Variants in LINGO2 observed in about 807,000 individuals in gnomAD.
LINGO2 encodes the protein leucine rich repeat and Ig domain containing 2.
Under a neutral mutation model 30.6 loss-of-function variants are expected in LINGO2, and 14 were observed. That is an observed-to-expected ratio of 0.46 (90% CI 0.30 to 0.72). The LOEUF (loss-of-function observed/expected upper bound fraction) is 0.72. Among genes scored for constraint, LINGO2 ranks in the 30% least tolerant of loss-of-function variants. The pLI is 0.07. For synonymous variants in LINGO2, 317 were observed against 288.5 expected, an observed-to-expected ratio of 1.10 and a Z score of -1.00; for missense variants, 729 against 751.7, an observed-to-expected ratio of 0.97 and a Z score of 0.35.
chr9:28,293,200 C>G (rs1823799846), intron 4 of LINGO2, among the ~76,000 whole-genome samples: 1 of 152,062 alleles, frequency 6.6e-6, no homozygotes, highest in Non-Finnish European at 1.5e-5. Flanking sequence ...TGGGCTCAAG[C>G]AGTCCTCCCA....
intron 2 of LINGO2, among the ~76,000 whole-genome samples, chr9:28,429,228 T>C (rs10968592): frequency 0.073 from 11,146 of 152,238 alleles, 407 homozygotes; most frequent in Middle Eastern, 0.14. Flanking sequence ...GCAGAACACA[T>C]TGCAAAGACA....
intron 4 of LINGO2, among the ~76,000 whole-genome samples, chr9:28,246,714 C>A (rs1193137191): frequency 6.6e-6 from 1 of 152,124 alleles, no homozygotes; most frequent in Non-Finnish European, 1.5e-5. Flanking sequence ...ATGATGACAT[C>A]TCCAGAAGCA....
the LINGO2 span, among the ~76,000 whole-genome samples, chr9:28,737,675 G>A: frequency 2.0e-5 from 3 of 152,024 alleles, no homozygotes; most frequent in East Asian, 1.9e-4. Context: ...CTTTTCTCCT[G>A]AAACAAGCCT....
At chr9:28,085,923 C>T (rs995925307) in intron 4 of LINGO2, among the ~76,000 whole-genome samples, 2 of 152,022 alleles carry the variant, frequency 1.3e-5, no homozygotes, top group Non-Finnish European at 2.9e-5. Flanking sequence ...GACATGAAAT[C>T]TCTAAGATAA....
At chr9:28,351,846 A>G (rs527700346) in intron 3 of LINGO2, among the ~76,000 whole-genome samples, 15 of 150,020 alleles carry the variant, frequency 1.0e-4, no homozygotes, top group African/African-American at 3.2e-4. Flanking sequence ...CTGGTTCAAT[A>G]TATGCAAATC....
intron 1 of LINGO2, among the ~76,000 whole-genome samples, chr9:28,642,773 C>G (rs1827653139): frequency 6.6e-6 from 1 of 152,046 alleles, no homozygotes; most frequent in South Asian, 2.1e-4. Context: ...GCATATATGA[C>G]CTATTATCTT....
At chr9:28,780,152 T>C in the LINGO2 span, among the ~76,000 whole-genome samples, 2 of 152,146 alleles carry the variant, frequency 1.3e-5, no homozygotes, top group South Asian at 2.1e-4. Flanking sequence ...AAGTGTTCAA[T>C]ATAAATTAAA....
At chr9:28,882,980 A>G in the LINGO2 span, among the ~76,000 whole-genome samples, 1 of 152,236 alleles carries the variant, frequency 6.6e-6, no homozygotes, top group African/African-American at 2.4e-5. Context: ...GATCTTTAAA[A>G]TAAACACACA....
chr9:28,715,645 T>C, the LINGO2 span, among the ~76,000 whole-genome samples: 12 of 152,114 alleles, frequency 7.9e-5, no homozygotes, highest in Non-Finnish European at 1.3e-4. Flanking sequence ...GGTTTCCTCA[T>C]TGCATACATT....
the LINGO2 span, among the ~76,000 whole-genome samples, chr9:28,927,880 G>A: frequency 2.6e-5 from 4 of 152,158 alleles, no homozygotes; most frequent in Non-Finnish European, 5.9e-5. Flanking sequence ...AGGCCACATA[G>A]CTCATAAGTG....
intron 2 of LINGO2, among the ~76,000 whole-genome samples, chr9:28,463,596 A>G (rs1343237152): frequency 6.6e-6 from 1 of 152,136 alleles, no homozygotes; most frequent in Non-Finnish European, 1.5e-5. Context: ...CTGAACTGCC[A>G]TAAAGGAAAA....
At chr9:28,759,272 C>T in the LINGO2 span, among the ~76,000 whole-genome samples, 36 of 152,106 alleles carry the variant, frequency 2.4e-4, no homozygotes, top group East Asian at 2.3e-3. Context: ...GTAGATGAGA[C>T]ATTTTGAATA....
chr9:28,271,852 T>G (rs1004853348), intron 4 of LINGO2, among the ~76,000 whole-genome samples: 1 of 152,174 alleles, frequency 6.6e-6, no homozygotes, highest in Non-Finnish European at 1.5e-5. Flanking sequence ...ACCTAGGAAT[T>G]TGTTAGAAAA....
At chr9:28,968,569 T>C in the LINGO2 span, among the ~76,000 whole-genome samples, 1 of 152,176 alleles carries the variant, frequency 6.6e-6, no homozygotes, top group African/African-American at 2.4e-5. Flanking sequence ...CAAAAGCCTA[T>C]GACAGAGCCT....
At chr9:28,883,957 C>T in the LINGO2 span, among the ~76,000 whole-genome samples, 105 of 151,530 alleles carry the variant, frequency 6.9e-4, no homozygotes, top group Admixed American at 2.9e-3. Context: ...GGATTACAGG[C>T]GTGAGCCACC....
At chr9:28,334,173 A>G (rs1564129745) in intron 3 of LINGO2, among the ~76,000 whole-genome samples, 1 of 152,150 alleles carries the variant, frequency 6.6e-6, no homozygotes, top group Non-Finnish European at 1.5e-5. Flanking sequence ...ACCTACTGTA[A>G]GAAATTTAAT....
At chr9:28,825,843 C>T in the LINGO2 span, among the ~76,000 whole-genome samples, 8 of 152,114 alleles carry the variant, frequency 5.3e-5, no homozygotes, top group East Asian at 3.9e-4. Flanking sequence ...TCAGAAACTT[C>T]GAGCTGTTAT....
At chr9:27,987,251 A>T (rs955436242) in intron 5 of LINGO2, among the ~76,000 whole-genome samples, 1 of 151,890 alleles carries the variant, frequency 6.6e-6, no homozygotes, top group Non-Finnish European at 1.5e-5. Context: ...CAATGTGGCT[A>T]AATATGTCTG....
At chr9:28,621,859 T>G (rs1372600436) in intron 1 of LINGO2, among the ~76,000 whole-genome samples, 1 of 152,044 alleles carries the variant, frequency 6.6e-6, no homozygotes, top group Non-Finnish European at 1.5e-5. Flanking sequence ...TGTATATACC[T>G]TTATTAAAAA....
Sources: gnomAD v4.1 joint callset for allele counts (sites outside exome capture counted in the v4.1 genomes callset) on GRCh38, gnomAD v4.1.1 for gene constraint, MANE v1.5 for transcripts, NCBI Gene and HGNC (gene_info 2026-07-23, HGNC 2026-07-21) for gene names.